The following ADAT2 variants were observed in gnomAD, a reference collection of about 807,000 sequenced individuals.
ADAT2 encodes adenosine deaminase tRNA specific 2.
In ADAT2, 26 loss-of-function variants were observed where a neutral mutation model predicts 25.9. The observed-to-expected ratio is 1.00, with a 90% confidence interval of 0.74 to 1.39. The LOEUF (loss-of-function observed/expected upper bound fraction) is 1.39. ADAT2 is among the 40% of genes most tolerant of loss of function. ADAT2 has a pLI of 0.00. For synonymous variants in ADAT2, 76 were observed against 86.8 expected, an observed-to-expected ratio of 0.88 and a Z score of 0.69; for missense variants, 220 against 244.8, an observed-to-expected ratio of 0.90 and a Z score of 0.68.
intron 4 of ADAT2, among the ~76,000 whole-genome samples, chr6:143,430,210 C>T (rs1291577416): frequency 6.6e-6 from 1 of 152,218 alleles, no homozygotes; most frequent in Non-Finnish European, 1.5e-5. Flanking sequence ...AGTGCTGGAG[C>T]TCCCCAGAGG....
At position 143,424,132 on chromosome 6, in the gene ADAT2, C is replaced by A. The variant is rs928766320; in HGVS notation, c.*4331G>T. The A allele has an allele frequency of 2.0e-5, 3 of 152,096 alleles. No homozygotes were observed. The highest frequency in any genetic ancestry group is 4.8e-5 in the African/African-American group (2 of 41,396). The allele number at this position is 152,096 out of a possible 1,614,324, so 9.4% of individuals were successfully genotyped here. A position where few individuals can be genotyped will look rare whatever the true frequency, so the allele number is the denominator to read the frequency against. ...TTTCAGCAGAACTCACCAGTCTAAT[C>A]CATAAAAATCACGTCGCCCATCGCT... On this transcript the variant is annotated 3_prime_UTR_variant, in exon 6 of 6. Coordinates refer to ENST00000237283, the MANE Select transcript of ADAT2 (RefSeq NM_182503.3). This position sits in a 1 kb window ranked among gnomAD's most constrained non-coding sequence, Gnocchi z 4.8.
At chr6:143,429,309 T>A (rs1779039781) in intron 4 of ADAT2, among the ~76,000 whole-genome samples, 1 of 152,220 alleles carries the variant, frequency 6.6e-6, no homozygotes, top group Non-Finnish European at 1.5e-5. Flanking sequence ...AAATATTTAC[T>A]AGTTAACCCT....
In ADAT2 at chr6:143,427,139, CCAAG is replaced by C. The variant is rs1778960621; in HGVS notation, c.*1320_*1323del. 1 of 70,610 alleles carries C rather than the reference CCAAG, an allele frequency of 1.4e-5. No individual in the cohort carries two copies. Among genetic ancestry groups the C allele is most frequent in the African/African-American group, 5.1e-5 (1 of 19,426 alleles). 4.4% of individuals were successfully genotyped at this position (70,610 alleles called of 1,614,324 possible). A position where few individuals can be genotyped will look rare whatever the true frequency, so the allele number is the denominator to read the frequency against. On this transcript the variant is annotated 3_prime_UTR_variant, in exon 6 of 6. Transcript: ENST00000237283. The stretch of plus-strand genomic sequence containing the variant: ...CACACACACACACACACACACAAAA[CCAAG>C]CAATTATAAGTCCTCTGAAGCATGT...
At chr6:143,431,245 C>T (rs1258381644) in intron 4 of ADAT2, among the ~76,000 whole-genome samples, 1 of 152,232 alleles carries the variant, frequency 6.6e-6, no homozygotes, top group African/African-American at 2.4e-5. Context: ...TTTGGTTCTG[C>T]TGCATCGACT....
intron 3 of ADAT2, among the ~76,000 whole-genome samples, chr6:143,433,251 A>G (rs1368699784): frequency 1.3e-5 from 2 of 152,220 alleles, no homozygotes; most frequent in South Asian, 2.1e-4. Context: ...TTTTAAAAAG[A>G]TCTTTAGAAG....
In ADAT2 at chr6:143,436,181, A is replaced by G. The variant is rs183623604; in HGVS notation, c.202-2200T>C. On this transcript the variant is annotated intron_variant, in intron 2 of 5. Coordinates refer to ENST00000237283, the MANE Select transcript of ADAT2 (RefSeq NM_182503.3). The surrounding 1 kb of genome is among the most constrained non-coding windows in gnomAD (Gnocchi z 4.1). ...CTACTTTCTGTATTTGAAATTTTAA[A>G]AAGGTATTTCAAAATGAGCATTTAA... 38 of 170,302 alleles carry G rather than the reference A, an allele frequency of 2.2e-4. No homozygotes were observed. The East Asian group carries it at 5.1e-3, about 23-fold the overall frequency. The allele number at this position is 170,302 out of a possible 1,614,324, so 10.5% of individuals were successfully genotyped here.
At position 143,428,912 on chromosome 6, in the gene ADAT2, G is replaced by A. The variant is rs1779024179; in HGVS notation, c.460-228C>T. On this transcript the variant is annotated intron_variant, in intron 4 of 5. Transcript: ENST00000237283. This position sits in a 1 kb window ranked among gnomAD's most constrained non-coding sequence, Gnocchi z 5.0. ...TATTAGGCATCACTCCCAATCAACT[G>A]TTATTCATCCATTAACTATTATAGA... 6.6e-6 allele frequency among the ~76,000 whole-genome samples: 1 copy of A among 152,156 alleles called. No homozygotes were observed. The highest frequency in any genetic ancestry group is 2.4e-5 in the African/African-American group (1 of 41,426).
chr6:143,443,190 T>C (rs1022165983), intron 1 of ADAT2, among the ~76,000 whole-genome samples: 2 of 152,064 alleles, frequency 1.3e-5, no homozygotes, highest in African/African-American at 4.8e-5. Context: ...CTAGCGCATG[T>C]GAGAGAGCTG....
At position 143,437,016 on chromosome 6, in the gene ADAT2, T is replaced by C. The variant is rs185069187; in HGVS notation, c.201+1574A>G. ...ACTATATTTTTATTTAAGTGTCTTT[T>C]TTCTTTCTAATTCTACACTTCGATC... On this transcript the variant is annotated intron_variant, in intron 2 of 5. Transcript: ENST00000237283. The surrounding 1 kb of genome is among the most constrained non-coding windows in gnomAD (Gnocchi z 4.1). Among the ~76,000 whole-genome samples the C allele has an allele frequency of 6.6e-6, 1 of 152,316 alleles. No individual in the cohort carries two copies. The highest frequency in any genetic ancestry group is 1.5e-5 in the Non-Finnish European group (1 of 68,028).
At chr6:143,448,553 T>G (rs1422950126) in intron 1 of ADAT2, among the ~76,000 whole-genome samples, 1 of 149,132 alleles carries the variant, frequency 6.7e-6, no homozygotes, top group Non-Finnish European at 1.5e-5. Flanking sequence ...AACAAACACC[T>G]CAAACATGCA....
chr6:143,436,274 C>T lies in ADAT2; in HGVS notation c.202-2293G>A. The T allele has an allele frequency of 4.5e-6, 1 of 221,518 alleles. No individual in the cohort carries two copies. Among genetic ancestry groups the T allele is most frequent in the East Asian group, 1.1e-4 (1 of 9,218 alleles). 13.7% of individuals were successfully genotyped at this position (221,518 alleles called of 1,614,324 possible). A position where few individuals can be genotyped will look rare whatever the true frequency, so the allele number is the denominator to read the frequency against. On this transcript the variant is annotated intron_variant, in intron 2 of 5. Transcript: ENST00000237283. This position sits in a 1 kb window ranked among gnomAD's most constrained non-coding sequence, Gnocchi z 4.1. ...ATGTCTGATGCTAAGAACATGATGG[C>T]TGCCTATGACCCCCAGTATGGCCTC...
At position 143,428,320 on chromosome 6, in the gene ADAT2, A is replaced by T; in HGVS notation, c.*143T>A. ...CTAAAAAGTGCTAATTTGTTCCCTTAACAGAGCAAATGATGAGAGACACCA... is the reference window on the plus strand; with the variant it reads ...CTAAAAAGTGCTAATTTGTTCCCTTTACAGAGCAAATGATGAGAGACACCA... On this transcript the variant is annotated 3_prime_UTR_variant, in exon 6 of 6. Coordinates refer to ENST00000237283, the MANE Select transcript of ADAT2 (RefSeq NM_182503.3). This position sits in a 1 kb window ranked among gnomAD's most constrained non-coding sequence, Gnocchi z 5.0. The T allele has an allele frequency of 1.1e-6, 1 of 896,626 alleles. No homozygotes were observed. The highest frequency in any genetic ancestry group is 1.7e-6 in the Non-Finnish European group (1 of 592,338). 55.5% of individuals were successfully genotyped at this position (896,626 alleles called of 1,614,324 possible).
intron 3 of ADAT2, among the ~76,000 whole-genome samples, chr6:143,433,219 GT>G: frequency 6.6e-6 from 1 of 152,222 alleles, no homozygotes; most frequent in African/African-American, 2.4e-5. Context: ...AAAAAGCTGA[GT>G]TTTTCAATTT....
At chr6:143,430,218 A>G (rs1210874848) in intron 4 of ADAT2, among the ~76,000 whole-genome samples, 1 of 152,156 alleles carries the variant, frequency 6.6e-6, no homozygotes, top group Non-Finnish European at 1.5e-5. Context: ...AGCTCCCCAG[A>G]GGTCCCCCTC....
intron 2 of ADAT2, among the ~76,000 whole-genome samples, chr6:143,435,137 C>A (rs55865962): frequency 0.23 from 33,058 of 143,314 alleles, 4,290 homozygotes; most frequent in Middle Eastern, 0.3. Flanking sequence ...TGGCTGCACA[C>A]CAAAACTAAG....
At chr6:143,433,149 T>C (rs1463178288) in intron 3 of ADAT2, among the ~76,000 whole-genome samples, 1 of 152,172 alleles carries the variant, frequency 6.6e-6, no homozygotes, top group Non-Finnish European at 1.5e-5. Context: ...GTATTATTTT[T>C]AAAGTGTTAA....
At position 143,444,608 on chromosome 6, in the gene ADAT2, C is replaced by T. The variant is rs1779547564; in HGVS notation, c.97-5914G>A. ...TTTGTGCAGGTAGCTTTGAATTTAACCTTTCTTGCCTTTTTTAGGGGGAAA... is the reference window on the plus strand; with the variant it reads ...TTTGTGCAGGTAGCTTTGAATTTAATCTTTCTTGCCTTTTTTAGGGGGAAA... On this transcript the variant is annotated intron_variant, in intron 1 of 5. Transcript: ENST00000237283. The surrounding 1 kb of genome is among the most constrained non-coding windows in gnomAD (Gnocchi z 4.3). 1 of 154,940 alleles carries T rather than the reference C, an allele frequency of 6.5e-6. No individual in the cohort carries two copies. The highest frequency in any genetic ancestry group is 2.4e-5 in the African/African-American group (1 of 41,452). 9.6% of individuals were successfully genotyped at this position (154,940 alleles called of 1,614,324 possible). A position where few individuals can be genotyped will look rare whatever the true frequency, so the allele number is the denominator to read the frequency against.
chr6:143,443,926 A>G (rs1365810600), intron 1 of ADAT2, among the ~76,000 whole-genome samples: 1 of 152,036 alleles, frequency 6.6e-6, no homozygotes, highest in Admixed American at 6.5e-5. Context: ...TATCTCCTGA[A>G]GAGCTCTACA....
Position 143,432,510 on chromosome 6 carries a change from A to G in ADAT2, c.454T>C (p.Phe152Leu). The change falls in exon 4 of 6, where the codon TTT becomes CTT. Residue 152 changes from phenylalanine to leucine, a missense_variant. Phe to Leu is a conservative substitution (Grantham distance 22). Coordinates refer to ENST00000237283, the MANE Select transcript of ADAT2 (RefSeq NM_182503.3). This position sits in a 1 kb window ranked among gnomAD's most constrained non-coding sequence, Gnocchi z 4.4. ...SADLPNTGRP[F>L]QCIPGYRAEE... is the part of the protein sequence containing the mutation. Reference sequence around the variant, plus strand: ...GCATAAGCAGTTTGTATTACCTGAAATGGTCTCCCAGTGTTTGGTAGGTCA... The same window carrying G: ...GCATAAGCAGTTTGTATTACCTGAAGTGGTCTCCCAGTGTTTGGTAGGTCA... The G allele has an allele frequency of 6.2e-7, 1 of 1,613,750 alleles. No homozygotes were observed. Among genetic ancestry groups the G allele is most frequent in the South Asian group, 1.1e-5 (1 of 91,056 alleles).
Sources: gnomAD v4.1 joint callset for allele counts (sites outside exome capture counted in the v4.1 genomes callset) on GRCh38, gnomAD v4.1.1 for gene constraint, Gnocchi (gnomAD v3.1) non-coding constraint, MANE v1.5 for transcripts, NCBI Gene and HGNC (gene_info 2026-07-23, HGNC 2026-07-21) for gene names.